Variants in TPST2 observed in about 807,000 individuals in gnomAD.
The protein encoded by TPST2 is tyrosylprotein sulfotransferase 2.
A neutral mutation model predicts 27.8 loss-of-function variants in TPST2; 16 were observed. The ratio of observed to expected loss-of-function variants is 0.58; its 90% CI spans 0.39 to 0.88. TPST2 has a LOEUF of 0.88. Ranked by LOEUF, TPST2 falls within the 40% of genes least tolerant of loss-of-function variation. The probability of loss-of-function intolerance (pLI) is 0.00; values close to 1 mark genes in which losing one functional copy is unlikely to be tolerated. For missense variants in TPST2, 464 were observed against 543.1 expected (o/e 0.85, Z 1.45); for synonymous variants, 229 against 231.7 (o/e 0.99, Z 0.10).
chr22:26,556,481 A>T (rs1333513351), intron 1 of TPST2, among the ~76,000 whole-genome samples: 1 of 152,196 alleles, frequency 6.6e-6, no homozygotes. Flanking sequence ...CAGAGGTTGC[A>T]GTGAGCCGAG....
chr22:26,529,927 G>A (rs1302214567), intron 5 of TPST2, among the ~76,000 whole-genome samples: 1 of 152,098 alleles, frequency 6.6e-6, no homozygotes, highest in African/African-American at 2.4e-5. Context: ...AGCATTTCCT[G>A]GTTGTTTGGG....
intron 6 of TPST2, among the ~76,000 whole-genome samples, chr22:26,527,454 A>T (rs1365591556): frequency 1.3e-5 from 2 of 152,206 alleles, no homozygotes; most frequent in Non-Finnish European, 2.9e-5. Context: ...ATGAATCCCC[A>T]TTCTCCAGAT....
At chr22:26,561,406 T>C (rs1927085119) in intron 1 of TPST2, among the ~76,000 whole-genome samples, 1 of 152,206 alleles carries the variant, frequency 6.6e-6, no homozygotes, top group Non-Finnish European at 1.5e-5. Flanking sequence ...TAAATTGGCA[T>C]GGAAATTTAA....
At chr22:26,555,110 GGTGGAGCTGAGGGAATTTGCATTTTAAC>G (rs1224999963) in intron 1 of TPST2, 35 of 525,264 alleles carry the variant, frequency 6.7e-5, no homozygotes, top group Admixed American at 2.5e-4. Flanking sequence ...GAAGAGGCAA[GGTGGAGCTGAGGGAATTTGCATTTTAAC>G]GTGGAGCTGA....
intron 1 of TPST2, among the ~76,000 whole-genome samples, chr22:26,578,133 G>T (rs2147238277): frequency 6.6e-6 from 1 of 152,290 alleles, no homozygotes; most frequent in Non-Finnish European, 1.5e-5. Flanking sequence ...GACCTCAGGT[G>T]ATCCGCGCAT....
At chr22:26,532,570 A>G in intron 5 of TPST2, 125 bp downstream of exon 5, 1 of 1,091,570 alleles carries the variant, frequency 9.2e-7, no homozygotes, top group Non-Finnish European at 1.3e-6. Context: ...GCCAGCTCAC[A>G]TCCCCCTTTT....
chr22:26,537,239 T>C (rs1233357401), intron 3 of TPST2, among the ~76,000 whole-genome samples: 1 of 152,182 alleles, frequency 6.6e-6, no homozygotes, highest in East Asian at 1.9e-4. Context: ...CCTTTTCTTG[T>C]AGAGTAGTTA....
At chr22:26,585,349 C>T (rs905390453) in intron 1 of TPST2, among the ~76,000 whole-genome samples, 1 of 66 alleles carries the variant, frequency 0.015, no homozygotes, top group Non-Finnish European at 0.036. Flanking sequence ...GGCCTGTGGG[C>T]ACTGCCTCTG....
chr22:26,549,859 CT>C (rs1006375283), intron 1 of TPST2, among the ~76,000 whole-genome samples: 2 of 134,922 alleles, frequency 1.5e-5, no homozygotes, highest in African/African-American at 2.9e-5. Context: ...TGAAACCCCC[CT>C]CTCTACTAAA....
chr22:26,537,705 G>A (rs1052364323), intron 3 of TPST2, among the ~76,000 whole-genome samples: 1 of 152,018 alleles, frequency 6.6e-6, no homozygotes, highest in South Asian at 2.1e-4. Flanking sequence ...TGCCCGCCTC[G>A]GCCTCCCAAA....
chr22:26,583,683 T>TACAA (rs1928215549), intron 1 of TPST2, among the ~76,000 whole-genome samples: 1 of 151,532 alleles, frequency 6.6e-6, no homozygotes, highest in African/African-American at 2.4e-5. Context: ...CTACTAAAAA[T>TACAA]ACAAAAATTA....
At chr22:26,567,272 G>C (rs968667323) in intron 1 of TPST2, among the ~76,000 whole-genome samples, 1 of 152,192 alleles carries the variant, frequency 6.6e-6, no homozygotes, top group Non-Finnish European at 1.5e-5. Flanking sequence ...TAGTGTTTCT[G>C]CTGGGATCCC....
At chr22:26,530,980 G>C (rs1925126496) in intron 5 of TPST2, among the ~76,000 whole-genome samples, 1 of 152,156 alleles carries the variant, frequency 6.6e-6, no homozygotes, top group African/African-American at 2.4e-5. Flanking sequence ...TTGCACTCCA[G>C]CCTGGGCAAC....
At position 26,541,009 on chromosome 22, in the gene TPST2, G is replaced by A. The variant is rs1925773706; in HGVS notation, c.622C>T (p.Arg208Cys). 3.1e-6 allele frequency: 5 copies of A among 1,614,012 alleles called. No homozygotes were observed. The highest frequency in any genetic ancestry group is 2.2e-5 in the East Asian group (1 of 44,890). Residue 208 changes from arginine (R) to cysteine (C), a missense_variant, in exon 3 of 7, where the codon CGT (arginine) becomes TGT (cysteine). By Grantham distance (180) the Arg-to-Cys change is radical. Coordinates refer to ENST00000338754, the MANE Select transcript of TPST2 (RefSeq NM_003595.5). This position sits in a 1 kb window ranked among gnomAD's most constrained non-coding sequence, Gnocchi z 5.9. The stretch of plus-strand genomic sequence containing the variant: ...TTGTTCCACTTGGTGAGGCAGTCAC[G>A]GTAGCTGCTGAGGTCAAAGCCCGCA... Reference protein sequence around the residue: ...TIAGFDLSSYRDCLTKWNKAI... With the variant: ...TIAGFDLSSYCDCLTKWNKAI...
intron 6 of TPST2, among the ~76,000 whole-genome samples, chr22:26,527,544 C>T (rs2283819): frequency 6.6e-6 from 1 of 152,182 alleles, no homozygotes; most frequent in Non-Finnish European, 1.5e-5. Flanking sequence ...ATCCCTTTCC[C>T]CACCCCTTAG....
intron 1 of TPST2, among the ~76,000 whole-genome samples, chr22:26,581,186 A>C (rs1019471989): frequency 7.9e-5 from 12 of 151,928 alleles, no homozygotes; most frequent in African/African-American, 2.9e-4. Flanking sequence ...CTCCTCTACA[A>C]AGCTAACTCC....
Position 26,541,319 on chromosome 22 carries a change from C to G in TPST2, c.312G>C (p.Pro104=), listed in dbSNP as rs369539546. Residue 104 remains proline (P), a synonymous_variant, in exon 3 of 7, where the codon CCG becomes CCC. Transcript: ENST00000338754. This position sits in a 1 kb window ranked among gnomAD's most constrained non-coding sequence, Gnocchi z 5.9. ...AGGCCTGGCGCATGGCCAGCACGCG[C>G]GGGATGATGCGGGTCTCCTCGCCGC... ...VRCGEETRII[P]RVLAMRQAWS... is the part of the protein sequence containing the mutation. The G allele has an allele frequency of 6.5e-7, 1 of 1,545,246 alleles. No individual in the cohort carries two copies. The highest frequency in any genetic ancestry group is 8.7e-7 in the Non-Finnish European group (1 of 1,143,846).
intron 1 of TPST2, among the ~76,000 whole-genome samples, chr22:26,562,666 C>A (rs1175169653): frequency 6.6e-6 from 1 of 151,394 alleles, no homozygotes. Flanking sequence ...CTATGTCACC[C>A]AGGCTGGAGT....
At chr22:26,535,195 G>A (rs920237711) in intron 4 of TPST2, among the ~76,000 whole-genome samples, 4 of 152,306 alleles carry the variant, frequency 2.6e-5, no homozygotes, top group African/African-American at 7.2e-5. Flanking sequence ...ACTAAGAGAC[G>A]ATTAACTTTT....
Sources: gnomAD v4.1 joint callset for allele counts (sites outside exome capture counted in the v4.1 genomes callset) on GRCh38, gnomAD v4.1.1 for gene constraint, Gnocchi (gnomAD v3.1) non-coding constraint, MANE v1.5 for transcripts, NCBI Gene and HGNC (gene_info 2026-07-23, HGNC 2026-07-21) for gene names.